The following PLA2G4E variants were observed in gnomAD, a reference collection of about 807,000 sequenced individuals.
PLA2G4E encodes phospholipase A2 group IVE.
A neutral mutation model predicts 109.1 loss-of-function variants in PLA2G4E; 84 were observed. The observed-to-expected ratio is 0.77, with a 90% confidence interval of 0.65 to 0.92. The LOEUF (loss-of-function observed/expected upper bound fraction) is 0.92. Ranked by LOEUF, PLA2G4E falls within the 40% of genes least tolerant of loss-of-function variation. The pLI is 0.00. For synonymous variants in PLA2G4E, 469 were observed against 436.1 expected, an observed-to-expected ratio of 1.08 and a Z score of -0.94; for missense variants, 1,057 against 1,076.6, an observed-to-expected ratio of 0.98 and a Z score of 0.25.
intron 1 of PLA2G4E, among the ~76,000 whole-genome samples, chr15:42,014,119 T>C (rs2068565803): frequency 6.6e-6 from 1 of 151,958 alleles, no homozygotes; most frequent in Admixed American, 6.6e-5. Flanking sequence ...CTTGAACTCC[T>C]TATGTCAGGT....
intron 13 of PLA2G4E, among the ~76,000 whole-genome samples, chr15:41,991,216 C>A (rs1444516407): frequency 6.6e-6 from 1 of 152,176 alleles, no homozygotes; most frequent in African/African-American, 2.4e-5. Context: ...GGCCTCTCAA[C>A]AACAACCCTG....
chr15:41,986,065 G>T lies in PLA2G4E; in HGVS notation c.2036-60C>A, dbSNP rs954163736. The T allele has an allele frequency of 4.6e-6, 7 of 1,523,796 alleles. No homozygotes were observed. In the African/African-American group the frequency reaches 9.6e-5, roughly 21 times the overall value. 94.4% of individuals were successfully genotyped at this position (1,523,796 alleles called of 1,614,324 possible). Reference sequence around the variant, plus strand: ...GGTGCCCTGACAGCCAATGGACAGAGGCACTTGGGGGGACGGAGCGCCCTG... The same window carrying T: ...GGTGCCCTGACAGCCAATGGACAGATGCACTTGGGGGGACGGAGCGCCCTG... On this transcript the variant is annotated intron_variant, in intron 17 of 19. Coordinates refer to ENST00000399518, the Ensembl canonical transcript of PLA2G4E.
exon 17 of PLA2G4E, chr15:41,987,230 C>G (rs567148385): frequency 6.2e-6 from 10 of 1,613,852 alleles, no homozygotes; most frequent in African/African-American, 2.7e-5. Flanking sequence ...GCAGCCCAGA[C>G]AGGAAGTTGT....
At chr15:42,005,575 A>G (rs184779993) in intron 4 of PLA2G4E, among the ~76,000 whole-genome samples, 2 of 152,322 alleles carry the variant, frequency 1.3e-5, no homozygotes, top group African/African-American at 4.8e-5. Flanking sequence ...ACTGTCTCTG[A>G]TCTGCAGATT....
rs112943545 is a variant in PLA2G4E, at chr15:42,022,737, G to A, written c.184-8980C>T. ...AATACAGATGAAGCTTCACTCACTC[G>A]CCCACTGTTCACCACCTGCTGTGTG... On this transcript the variant is annotated intron_variant, in intron 1 of 19. Transcript: ENST00000399518. 3.6e-3 allele frequency among the ~76,000 whole-genome samples: 555 copies of A among 152,224 alleles called. 2 individuals are homozygous for A. Among genetic ancestry groups the A allele is most frequent in the African/African-American group, 0.013 (521 of 41,532 alleles).
intron 2 of PLA2G4E, among the ~76,000 whole-genome samples, chr15:42,011,662 C>T (rs112908663): frequency 0.012 from 1,759 of 151,860 alleles, 26 homozygotes; most frequent in African/African-American, 0.039. Context: ...CCCAGGAGGT[C>T]GAGGCTGCAG....
intron 5 of PLA2G4E, 136 bp from the exon 6 acceptor site, chr15:42,002,832 G>A (rs980539796): frequency 2.0e-5 from 17 of 853,652 alleles, no homozygotes; most frequent in African/African-American, 8.5e-5. Context: ...TACTAGCTTC[G>A]GAAACCTTAG....
At chr15:42,049,963 A>G (rs1889479631) in intron 1 of PLA2G4E, among the ~76,000 whole-genome samples, 1 of 152,150 alleles carries the variant, frequency 6.6e-6, no homozygotes, top group African/African-American at 2.4e-5. Flanking sequence ...GGAATTGCGT[A>G]TTTGCTCATA....
intron 2 of PLA2G4E, among the ~76,000 whole-genome samples, chr15:42,009,295 A>T (rs2068508061): frequency 6.6e-6 from 1 of 151,870 alleles, no homozygotes; most frequent in Non-Finnish European, 1.5e-5. Context: ...GTCATCCTTG[A>T]CTCTCACATT....
chr15:42,028,826 C>G (rs1383232371), intron 1 of PLA2G4E, among the ~76,000 whole-genome samples: 4 of 152,110 alleles, frequency 2.6e-5, no homozygotes, highest in African/African-American at 7.2e-5. Context: ...GTAAAACAAG[C>G]CTTACAGCTT....
At chr15:41,997,210 G>A (rs1244742111) in exon 11 of PLA2G4E, 3 of 1,552,258 alleles carry the variant, frequency 1.9e-6, no homozygotes, top group Non-Finnish European at 1.7e-6. Flanking sequence ...AGAAACTCCA[G>A]CTCTGCTGGG....
At chr15:41,985,358 T>C (rs530411407) in intron 18 of PLA2G4E, among the ~76,000 whole-genome samples, 1 of 152,238 alleles carries the variant, frequency 6.6e-6, no homozygotes, top group Admixed American at 6.5e-5. Flanking sequence ...CAAAGTAAAT[T>C]AAAAAAATAA....
At chr15:42,025,650 A>G (rs750058836) in intron 1 of PLA2G4E, among the ~76,000 whole-genome samples, 5 of 152,106 alleles carry the variant, frequency 3.3e-5, no homozygotes. Context: ...TCTGTACCCA[A>G]GCTATCTTAT....
chr15:41,985,257 A>G lies in PLA2G4E; in HGVS notation c.2202+582T>C, dbSNP rs551163704. ...GAAAGTGCATTGTTACCCATTTACA[A>G]ACTTAGATTGTTTTCATTGTTGCCC... On this transcript the variant is annotated intron_variant, in intron 18 of 19. Transcript: ENST00000399518. 9.8e-5 allele frequency among the ~76,000 whole-genome samples: 15 copies of G among 152,302 alleles called. No individual in the cohort carries two copies. The South Asian group carries it at 2.9e-3, about 29-fold the overall frequency.
intron 1 of PLA2G4E, among the ~76,000 whole-genome samples, chr15:42,041,341 A>G (rs1165888646): frequency 2.6e-5 from 4 of 152,178 alleles, no homozygotes; most frequent in African/African-American, 9.7e-5. Context: ...TTGTTGATGA[A>G]TGGAAATAGC....
At chr15:42,002,683 C>G in exon 6 of PLA2G4E, 1 of 1,582,952 alleles carries the variant, frequency 6.3e-7, no homozygotes, top group Non-Finnish European at 8.6e-7. Context: ...ACGAGGGTCT[C>G]AGGTGGAGAG....
At chr15:41,984,408 C>A in intron 19 of PLA2G4E, 28 bp downstream of exon 19, 1 of 1,591,070 alleles carries the variant, frequency 6.3e-7, no homozygotes, top group Non-Finnish European at 8.6e-7. Context: ...GCAGCAGGTG[C>A]TGGGAACTGA....
At chr15:42,022,402 A>G (rs2068656789) in intron 1 of PLA2G4E, among the ~76,000 whole-genome samples, 1 of 152,162 alleles carries the variant, frequency 6.6e-6, no homozygotes, top group Admixed American at 6.5e-5. Context: ...AGTGCCTTAC[A>G]TTTATTGTGC....
At chr15:42,028,388 T>C (rs888142297) in intron 1 of PLA2G4E, among the ~76,000 whole-genome samples, 5 of 136,796 alleles carry the variant, frequency 3.7e-5, no homozygotes, top group Admixed American at 7.1e-5. Flanking sequence ...TATTTACTTA[T>C]TTATTTATTT....
Sources: allele counts gnomAD v4.1 joint callset (sites outside exome capture counted in the v4.1 genomes callset), GRCh38; gene constraint gnomAD v4.1.1; transcripts MANE v1.5; gene names NCBI Gene and HGNC (gene_info 2026-07-23, HGNC 2026-07-21).